FHDC1: variants seen among roughly 807,000 people sequenced by gnomAD.
FHDC1 encodes FH2 domain containing 1, also known as FH2 domain-containing protein 1.
In FHDC1, 25 loss-of-function variants were observed where a neutral mutation model predicts 52.6. The observed-to-expected ratio is 0.48, with a 90% CI of 0.35 to 0.66. The LOEUF is 0.66. Among genes scored for constraint, FHDC1 ranks in the 30% least tolerant of loss-of-function variants. The pLI is 0.01. For synonymous variants in FHDC1, 616 were observed against 581.5 expected (o/e 1.06, Z -0.85); for missense variants, 1,459 against 1,452.8 (o/e 1.00, Z -0.07).
At position 152,974,731 on chromosome 4, in the gene FHDC1, G is replaced by A; in HGVS notation, c.1440G>A (p.Gln480=). ...GGCAGCTGCAGAGGCTGAAGGAGCA[G>A]GAGCAGAAGCAGCGCTCCTGGGCAA... ...ELRQLQRLKE[Q]EQKQRSWATG... The change falls in exon 12 of 12, where the codon CAG becomes CAA. Residue 480 remains glutamine, a synonymous_variant. Coordinates refer to ENST00000511601, the MANE Select transcript of FHDC1 (RefSeq NM_001371116.1). 1 of 1,519,118 alleles carries A rather than the reference G, an allele frequency of 6.6e-7. No individual in the cohort carries two copies. Among genetic ancestry groups the A allele is most frequent in the Non-Finnish European group, 8.8e-7 (1 of 1,133,362 alleles). The allele number at this position is 1,519,118 out of a possible 1,614,324, so 94.1% of individuals were successfully genotyped here.
intron 11 of FHDC1, among the ~76,000 whole-genome samples, chr4:152,973,263 C>T (rs557428301): frequency 6.8e-4 from 103 of 152,362 alleles, no homozygotes; most frequent in South Asian, 5.4e-3. Flanking sequence ...GGAAGCAAAG[C>T]TCGTGAGTCA....
intron 9 of FHDC1, 44 bp downstream of exon 9, chr4:152,965,019 A>C (rs746134411): frequency 1.1e-5 from 16 of 1,522,346 alleles, no homozygotes; most frequent in Non-Finnish European, 1.1e-5. Flanking sequence ...TTACCTTTTT[A>C]TGAAAACTGA....
At chr4:152,914,914 TA>T in the FHDC1 span, among the ~76,000 whole-genome samples, 1 of 152,050 alleles carries the variant, frequency 6.6e-6, no homozygotes, top group Non-Finnish European at 1.5e-5. Context: ...CAAATGAGTG[TA>T]AAGCATTATA....
chr4:152,976,790 G>C lies in FHDC1; in HGVS notation c.*67G>C. 3 of 1,439,276 alleles carry C rather than the reference G, an allele frequency of 2.1e-6. No homozygotes were observed. The highest frequency in any genetic ancestry group is 2.7e-6 in the Non-Finnish European group (3 of 1,092,168). 89.2% of individuals were successfully genotyped at this position (1,439,276 alleles called of 1,614,324 possible). A position where few individuals can be genotyped will look rare whatever the true frequency, so the allele number is the denominator to read the frequency against. On this transcript the variant is annotated 3_prime_UTR_variant, in exon 12 of 12. Transcript: ENST00000511601. The stretch of plus-strand genomic sequence containing the variant: ...AAGACTGACTTCTGGGACGAGGATG[G>C]GGAAAGAGGCAGCATGTCTTTGTTA...
the FHDC1 span, among the ~76,000 whole-genome samples, chr4:152,914,408 A>G: frequency 6.6e-6 from 1 of 152,224 alleles, no homozygotes; most frequent in Non-Finnish European, 1.5e-5. Context: ...GAGGACTGTT[A>G]GTCTGGTATC....
rs191868834 is a variant in FHDC1, at chr4:152,969,912, G to A, written c.1218+1815G>A. The stretch of plus-strand genomic sequence containing the variant: ...TCTCAATCTCCTGACCTCGTGATCC[G>A]CCCACCTCCCAAAGTGCTGGGATTG... On this transcript the variant is annotated intron_variant, in intron 10 of 11. Transcript: ENST00000511601. 1.9e-3 allele frequency among the ~76,000 whole-genome samples: 283 copies of A among 152,196 alleles called. 3 individuals are homozygous for A. Among genetic ancestry groups the A allele is most frequent in the African/African-American group, 6.5e-3 (269 of 41,526 alleles).
At chr4:152,957,982 T>C (rs1031496459) in intron 4 of FHDC1, among the ~76,000 whole-genome samples, 2 of 152,154 alleles carry the variant, frequency 1.3e-5, no homozygotes, top group African/African-American at 4.8e-5. Flanking sequence ...TGGTAGAAAC[T>C]TTCTGTTCTC....
At chr4:152,912,577 C>T in the FHDC1 span, among the ~76,000 whole-genome samples, 3 of 152,154 alleles carry the variant, frequency 2.0e-5, no homozygotes, top group African/African-American at 7.2e-5. Context: ...ATTTACACCT[C>T]TAAGAGCATA....
chr4:152,924,104 C>G, the FHDC1 span, among the ~76,000 whole-genome samples: 1 of 151,728 alleles, frequency 6.6e-6, no homozygotes, highest in Non-Finnish European at 1.5e-5. Flanking sequence ...TCGCAACCTA[C>G]TCATCTGACA....
chr4:152,937,741 C>A (rs1355227469), intron 1 of FHDC1, among the ~76,000 whole-genome samples: 2 of 151,990 alleles, frequency 1.3e-5, no homozygotes, highest in East Asian at 1.9e-4. Flanking sequence ...CGCGCCGCGA[C>A]GCCCTTCTGC....
chr4:152,946,408 T>C (rs1273779533), intron 2 of FHDC1, among the ~76,000 whole-genome samples: 2 of 152,226 alleles, frequency 1.3e-5, no homozygotes, highest in African/African-American at 4.8e-5. Context: ...TCAATTTTCA[T>C]GTTATCTGTA....
chr4:152,926,604 T>G, the FHDC1 span, among the ~76,000 whole-genome samples: 5 of 151,934 alleles, frequency 3.3e-5, no homozygotes, highest in Middle Eastern at 3.4e-3. Flanking sequence ...AAAGGTGGCC[T>G]TGTTATGTAA....
Position 152,943,448 on chromosome 4 carries a change from A to G in FHDC1, c.391A>G (p.Thr131Ala), listed in dbSNP as rs2149937546. Residue 131 changes from threonine (T) to alanine (A), a missense_variant, in exon 2 of 12, where the codon ACA (threonine) becomes GCA (alanine). Around this residue, in one of 3 missense-constraint regions of FHDC1, gnomAD observed 513 missense variants for 581.5 expected, o/e 0.88. Coordinates refer to ENST00000511601, the MANE Select transcript of FHDC1 (RefSeq NM_001371116.1). Reference protein sequence around the residue: ...ARQEHHYQIDTKTIEELFGQQ... With the variant: ...ARQEHHYQIDAKTIEELFGQQ... ...GCAGGAACATCACTACCAAATTGAT[A>G]CAAAGACCATTGAGGAGCTCTTTGG... 6.2e-7 allele frequency: 1 copy of G among 1,614,164 alleles called. No homozygotes were observed. The highest frequency in any genetic ancestry group is 8.5e-7 in the Non-Finnish European group (1 of 1,180,022).
At chr4:152,965,432 A>G (rs1175717987) in intron 9 of FHDC1, among the ~76,000 whole-genome samples, 1 of 152,230 alleles carries the variant, frequency 6.6e-6, no homozygotes, top group Non-Finnish European at 1.5e-5. Flanking sequence ...ATTTTACTTT[A>G]AATTAGTCAC....
In FHDC1 at chr4:152,975,717, C is replaced by A. The variant is rs141856992; in HGVS notation, c.2426C>A (p.Ser809Tyr). 3.7e-6 allele frequency: 6 copies of A among 1,602,884 alleles called. No individual in the cohort carries two copies. In the African/African-American group the frequency reaches 8.0e-5, roughly 21 times the overall value. The part of the protein sequence containing the change: ...EEGGEGDGSM[S>Y]SGVGEMGDSQ... ...GGCGGGGAAGGGGATGGCTCCATGT[C>A]CTCTGGGGTTGGAGAAATGGGGGAC... The change falls in exon 12 of 12, where the codon TCC (serine) becomes TAC (tyrosine). Residue 809 changes from serine (S) to tyrosine (Y), a missense_variant. Coordinates refer to ENST00000511601, the MANE Select transcript of FHDC1 (RefSeq NM_001371116.1).
At chr4:152,928,033 T>G in the FHDC1 span, 67 of 1,449,776 alleles carry the variant, frequency 4.6e-5, no homozygotes, top group African/African-American at 9.2e-4. Context: ...CCTCCCTGAG[T>G]GGCTCCTCCA....
intron 9 of FHDC1, among the ~76,000 whole-genome samples, chr4:152,967,032 A>T (rs1740484078): frequency 6.6e-6 from 1 of 152,190 alleles, no homozygotes; most frequent in Non-Finnish European, 1.5e-5. Context: ...TGGTGAGAGG[A>T]TCACCTGAGC....
chr4:152,965,409 G>A (rs1379708958), intron 9 of FHDC1, among the ~76,000 whole-genome samples: 1 of 152,116 alleles, frequency 6.6e-6, no homozygotes, highest in Non-Finnish European at 1.5e-5. Flanking sequence ...ACCGTACCAA[G>A]AGCTGTGAAA....
chr4:152,915,986 A>G, the FHDC1 span, among the ~76,000 whole-genome samples: 1 of 152,160 alleles, frequency 6.6e-6, no homozygotes, highest in Non-Finnish European at 1.5e-5. Flanking sequence ...ATCTGCAGCT[A>G]ATCAAGTATT....
Sources: gnomAD v4.1 joint callset for allele counts (sites outside exome capture counted in the v4.1 genomes callset) on GRCh38, gnomAD v4.1.1 for gene constraint, gnomAD v4.1.1 regional missense constraint, MANE v1.5 for transcripts, NCBI Gene and HGNC (gene_info 2026-07-23, HGNC 2026-07-21) for gene names.